Variants in CYP46A1 observed in about 807,000 individuals in gnomAD.
The protein encoded by CYP46A1 is cholesterol 24-hydroxylase.
In CYP46A1, 20 loss-of-function variants were observed where a neutral mutation model predicts 63.3. That is an observed-to-expected ratio of 0.32 (90% CI 0.22 to 0.46). The LOEUF is 0.46. Among genes scored for constraint, CYP46A1 ranks in the 20% least tolerant of loss-of-function variants. The probability of loss-of-function intolerance (pLI) is 1.00; values close to 1 mark genes in which losing one functional copy is unlikely to be tolerated. For synonymous variants in CYP46A1, 268 were observed against 273.6 expected, an observed-to-expected ratio of 0.98 and a Z score of 0.20; for missense variants, 445 against 670.8, an observed-to-expected ratio of 0.66 and a Z score of 3.72.
intron 7 of CYP46A1, chr14:99,711,098 T>G (rs187538825): frequency 6.6e-6 from 1 of 152,082 alleles, no homozygotes; most frequent in Non-Finnish European, 1.5e-5. Context: ...ATAAAAAAAT[T>G]CTTGAAACAA....
At chr14:99,712,874 C>T (rs1156941913) in intron 7 of CYP46A1, 2 of 152,164 alleles carry the variant, frequency 1.3e-5, no homozygotes, top group East Asian at 1.9e-4. Context: ...CTGGAGGCAC[C>T]ATACTACCCG....
chr14:99,689,443 A>G (rs539937275), intron 1 of CYP46A1, among the ~76,000 whole-genome samples: 3 of 151,938 alleles, frequency 2.0e-5, no homozygotes, highest in Admixed American at 2.0e-4. Flanking sequence ...GCACATGCCC[A>G]GAGCTACCCC....
chr14:99,694,408 T>A (rs1483049087), intron 3 of CYP46A1, among the ~76,000 whole-genome samples: 1 of 149,872 alleles, frequency 6.7e-6, no homozygotes, highest in Non-Finnish European at 1.5e-5. Context: ...CACCAAAAGG[T>A]TTATCAATTT....
At chr14:99,709,696 G>C (rs2056712136) in intron 7 of CYP46A1, 1 of 152,126 alleles carries the variant, frequency 6.6e-6, no homozygotes, top group Non-Finnish European at 1.5e-5. Flanking sequence ...TAGAGATCCA[G>C]GTATAGTCAT....
chr14:99,725,424 T>C lies in CYP46A1; in HGVS notation c.1210T>C (p.Tyr404His), dbSNP rs749206215. Residue 404 changes from tyrosine (Y) to histidine (H), a missense_variant, in exon 13 of 15, where the codon TAC becomes CAC. Physicochemically the swap from Tyr to His is moderately conservative, Grantham distance 83 (BLOSUM62 2). This residue lies in a region of CYP46A1 where 95 missense variants were observed against 156.9 expected (regional missense o/e 0.61). Coordinates refer to ENST00000261835, the MANE Select transcript of CYP46A1 (RefSeq NM_006668.2). The surrounding 1 kb of genome is among the most constrained non-coding windows in gnomAD (Gnocchi z 4.2). ...STYVMGRMDT[Y>H]FEDPLTFNPD... ...CTATGTCATGGGGCGGATGGACACA[T>C]ACTTTGAGGACCCGCTGACTTTCAA... is the stretch of plus-strand genomic sequence containing the variant. 3.2e-5 allele frequency: 51 copies of C among 1,614,024 alleles called. 1 individual carries two copies. Among genetic ancestry groups the C allele is most frequent in the African/African-American group, 6.7e-5 (5 of 74,918 alleles).
chr14:99,686,676 C>A (rs2056497132), intron 1 of CYP46A1, among the ~76,000 whole-genome samples: 1 of 152,170 alleles, frequency 6.6e-6, no homozygotes, highest in Non-Finnish European at 1.5e-5. Flanking sequence ...AGCATGTATC[C>A]TTATTGCTTT....
chr14:99,685,323 C>CCT (rs1167027220), intron 1 of CYP46A1, among the ~76,000 whole-genome samples: 1 of 117,954 alleles, frequency 8.5e-6, no homozygotes, highest in East Asian at 3.4e-4. Flanking sequence ...CCCCGCCCCC[C>CCT]CCGCAGCTTC....
chr14:99,684,672 G>A (rs761153814), intron 1 of CYP46A1, 136 bp downstream of exon 1: 3 of 724,588 alleles, frequency 4.1e-6, no homozygotes, highest in South Asian at 3.0e-5. Context: ...GGCCCCGAGA[G>A]GGGCGCTAAC....
intron 3 of CYP46A1, among the ~76,000 whole-genome samples, chr14:99,697,223 A>T (rs2056594475): frequency 2.6e-5 from 4 of 152,360 alleles, no homozygotes; most frequent in African/African-American, 9.6e-5. Context: ...GATGCTGCGT[A>T]GGAGCTCTTT....
intron 11 of CYP46A1, 73 bp downstream of exon 11, chr14:99,721,396 C>A: frequency 1.9e-6 from 2 of 1,051,140 alleles, no homozygotes; most frequent in African/African-American, 1.6e-5. Flanking sequence ...CCTCCCTGGA[C>A]CTTTCAGGAC....
intron 3 of CYP46A1, among the ~76,000 whole-genome samples, chr14:99,694,744 G>A (rs1189783338): frequency 1.3e-5 from 2 of 151,988 alleles, no homozygotes; most frequent in Non-Finnish European, 2.9e-5. Context: ...CAAGTGATTT[G>A]CCTGCCTCAG....
chr14:99,718,031 A>T lies in CYP46A1; in HGVS notation c.908-23A>T, dbSNP rs1249203716. 3 of 1,604,228 alleles carry T rather than the reference A, an allele frequency of 1.9e-6. No individual in the cohort carries two copies. In the South Asian group the frequency reaches 3.3e-5, roughly 18 times the overall value. ...TCATCCTGTGGCCCCATGTGGAGCA[A>T]CCACCGTCCTCCCTTCCCACAGGTC... On this transcript the variant is annotated intron_variant, in intron 9 of 14. Transcript: ENST00000261835.
intron 12 of CYP46A1, among the ~76,000 whole-genome samples, chr14:99,724,564 C>G (rs1234084298): frequency 6.6e-6 from 1 of 152,256 alleles, no homozygotes; most frequent in Non-Finnish European, 1.5e-5. Flanking sequence ...CCAACCCCAC[C>G]TCTGCTCCTG....
intron 7 of CYP46A1, chr14:99,711,477 G>A (rs1419388439): frequency 6.6e-6 from 1 of 151,894 alleles, no homozygotes; most frequent in African/African-American, 2.4e-5. Flanking sequence ...AAATACAAAG[G>A]AACATTACAG....
intron 1 of CYP46A1, among the ~76,000 whole-genome samples, chr14:99,688,800 C>T (rs1011249204): frequency 1.3e-5 from 2 of 152,108 alleles, no homozygotes; most frequent in Admixed American, 1.3e-4. Flanking sequence ...TTGCTGGGGG[C>T]TCGGTTCCCG....
At chr14:99,706,899 C>G in intron 6 of CYP46A1, 114 bp downstream of exon 6, 1 of 1,285,626 alleles carries the variant, frequency 7.8e-7, no homozygotes, top group Non-Finnish European at 1.1e-6. Flanking sequence ...AACATACCAG[C>G]AATTCCTCTG....
chr14:99,706,497 C>T (rs1223769540), intron 5 of CYP46A1, 150 bp from the exon 6 acceptor site: 1 of 947,728 alleles, frequency 1.1e-6, no homozygotes, highest in Non-Finnish European at 1.6e-6. Flanking sequence ...CTCCAACCTG[C>T]AATCTGGGTC....
chr14:99,709,910 G>C (rs1442746796), intron 7 of CYP46A1: 1 of 152,202 alleles, frequency 6.6e-6, no homozygotes, highest in African/African-American at 2.4e-5. Flanking sequence ...CAAGCCAGGA[G>C]TGATTGGGAT....
chr14:99,726,167 G>C (rs201383994), intron 13 of CYP46A1, 23 bp from the exon 14 acceptor site: 12 of 1,610,700 alleles, frequency 7.5e-6, no homozygotes, highest in East Asian at 4.5e-5. Flanking sequence ...TGCTGGCCTC[G>C]TGATTCCTCT....
Sources: allele counts gnomAD v4.1 joint callset (sites outside exome capture counted in the v4.1 genomes callset), GRCh38; gene constraint gnomAD v4.1.1; regional missense constraint gnomAD v4.1.1; non-coding constraint Gnocchi (gnomAD v3.1); transcripts MANE v1.5; gene names NCBI Gene and HGNC (gene_info 2026-07-23, HGNC 2026-07-21).